Variants in WAC observed in about 807,000 individuals in gnomAD.
WAC encodes WW domain containing adaptor with coiled-coil.
WAC carries 11 observed loss-of-function variants against 79.6 expected under a neutral mutation model. That is an observed-to-expected ratio of 0.14 (90% CI 0.09 to 0.23). The LOEUF is 0.23. Among genes scored for constraint, WAC ranks in the 10% least tolerant of loss-of-function variants. The probability of loss-of-function intolerance (pLI) is 1.00; values close to 1 mark genes in which losing one functional copy is unlikely to be tolerated. For synonymous variants in WAC, 304 were observed against 276.9 expected (o/e 1.10, Z -0.97); for missense variants, 728 against 773.5 (o/e 0.94, Z 0.70).
chr10:28,535,973 T>G, intron 3 of WAC: 3 of 369,598 alleles, frequency 8.1e-6, no homozygotes, highest in Non-Finnish European at 9.5e-6. Flanking sequence ...CCAGGCGCGG[T>G]GGCTCACGCC....
intron 7 of WAC, among the ~76,000 whole-genome samples, chr10:28,596,411 T>TA (rs745936660): frequency 3.9e-4 from 59 of 152,296 alleles, no homozygotes; most frequent in Admixed American, 6.5e-4. Flanking sequence ...TTAATATAAA[T>TA]AGAGGTATTT....
At chr10:28,555,592 A>G (rs1837937270) in intron 3 of WAC, among the ~76,000 whole-genome samples, 1 of 152,138 alleles carries the variant, frequency 6.6e-6, no homozygotes, top group African/African-American at 2.4e-5. Context: ...GAAAATTACT[A>G]AGGAAACATA....
intron 4 of WAC, among the ~76,000 whole-genome samples, chr10:28,586,732 CTTGTAGATTA>C (rs1839838111): frequency 6.6e-6 from 1 of 151,922 alleles, no homozygotes; most frequent in Non-Finnish European, 1.5e-5. Context: ...CATGGTATGA[CTTGTAGATTA>C]TTTTAGATTA....
At chr10:28,596,326 C>G (rs989356589) in intron 7 of WAC, among the ~76,000 whole-genome samples, 3 of 152,156 alleles carry the variant, frequency 2.0e-5, no homozygotes, top group African/African-American at 7.2e-5. Context: ...AAGTAACTGT[C>G]TCTTCAATTT....
chr10:28,595,056 G>A (rs983549939), intron 6 of WAC, among the ~76,000 whole-genome samples: 3 of 152,096 alleles, frequency 2.0e-5, no homozygotes, highest in Admixed American at 6.5e-5. Flanking sequence ...ACTATGCTGC[G>A]GGTGTTGGAC....
Position 28,595,828 on chromosome 10 carries a change from A to G in WAC, c.706A>G (p.Arg236Gly). The G allele has an allele frequency of 1.9e-6, 3 of 1,614,188 alleles. No homozygotes were observed. The highest frequency in any genetic ancestry group is 2.5e-6 in the Non-Finnish European group (3 of 1,180,018). The change falls in exon 7 of 14, where the codon AGA (arginine) becomes GGA (glycine). Residue 236 changes from arginine (R) to glycine (G), a missense_variant. By Grantham distance (125) the Arg-to-Gly change is moderately radical (BLOSUM62 -2). Transcript: ENST00000354911. Reference sequence around the variant, plus strand: ...CAATGACAGAGACTACAGACTGCCAAGAGCAGAGACTCACAGTAGTTCTAC... The same window carrying G: ...CAATGACAGAGACTACAGACTGCCAGGAGCAGAGACTCACAGTAGTTCTAC... ...RHNDRDYRLP[R>G]AETHSSSTPV...
At chr10:28,614,538 G>T in intron 10 of WAC, 29 bp from the exon 11 acceptor site, 2 of 1,555,944 alleles carry the variant, frequency 1.3e-6, no homozygotes, top group Non-Finnish European at 8.9e-7. Context: ...TAGATTTGGA[G>T]ACCATCTCAC....
At chr10:28,536,200 A>G (rs1836662269) in intron 3 of WAC, among the ~76,000 whole-genome samples, 2 of 151,226 alleles carry the variant, frequency 1.3e-5, no homozygotes, top group Admixed American at 6.6e-5. Flanking sequence ...TCAGCCTGAG[A>G]TGGTGCCACT....
At chr10:28,604,742 A>G (rs540461420) in intron 7 of WAC, among the ~76,000 whole-genome samples, 6 of 152,226 alleles carry the variant, frequency 3.9e-5, no homozygotes, top group Middle Eastern at 3.4e-3. Flanking sequence ...ATACAACACA[A>G]TTCCTCTCCC....
chr10:28,546,326 C>T (rs1213634594), intron 3 of WAC, among the ~76,000 whole-genome samples: 2 of 152,180 alleles, frequency 1.3e-5, no homozygotes, highest in Non-Finnish European at 2.9e-5. Context: ...ATAATTTGTT[C>T]TAACTTCATA....
upstream of WAC, chr10:28,533,029 G>C (rs905376662): frequency 6.5e-6 from 1 of 154,328 alleles, no homozygotes; most frequent in African/African-American, 2.4e-5. Flanking sequence ...GCGGTGTTCC[G>C]GACCCGCGCG....
At chr10:28,533,671 G>T (rs765957281) in intron 1 of WAC, 51 bp downstream of exon 1, 6 of 1,514,912 alleles carry the variant, frequency 4.0e-6, no homozygotes, top group East Asian at 2.5e-5. Flanking sequence ...GCGGCGGCGG[G>T]GGGGCTGTTC....
chr10:28,605,030 T>TA (rs781519590), intron 7 of WAC, among the ~76,000 whole-genome samples: 61 of 152,212 alleles, frequency 4.0e-4, no homozygotes, highest in Non-Finnish European at 7.8e-4. Flanking sequence ...GTAAATAACT[T>TA]ACAACATGCT....
intron 10 of WAC, among the ~76,000 whole-genome samples, chr10:28,613,691 G>C (rs1188671643): frequency 1.3e-5 from 2 of 152,228 alleles, no homozygotes; most frequent in Non-Finnish European, 1.5e-5. Flanking sequence ...AGATTTGTTA[G>C]GGAGAATTAT....
rs1040763514 is a variant in WAC, at chr10:28,617,082, C to CA, written c.1747-568dup. Among the ~76,000 whole-genome samples, 49 of 150,670 alleles carry CA rather than the reference C, an allele frequency of 3.3e-4. No individual in the cohort carries two copies. The East Asian group carries it at 5.7e-3, about 17-fold the overall frequency. On this transcript the variant is annotated intron_variant, in intron 12 of 13. Coordinates refer to ENST00000354911, the MANE Select transcript of WAC (RefSeq NM_016628.5). ...TGGGTGACACAGTGAGACTCTGTCT[C>CA]AAAAAAACAAAAAAAAACCCCACTT...
At position 28,619,629 on chromosome 10, in the gene WAC, T is replaced by C; in HGVS notation, c.*23T>C. 6.4e-7 allele frequency: 1 copy of C among 1,559,586 alleles called. No homozygotes were observed. Among genetic ancestry groups the C allele is most frequent in the African/African-American group, 1.4e-5 (1 of 71,280 alleles). Reference sequence around the variant, plus strand: ...TGAAGATGTGAATAATTGCACATGGTTTTGAGAACAGGAACTGTAAATCTG... The same window carrying C: ...TGAAGATGTGAATAATTGCACATGGCTTTGAGAACAGGAACTGTAAATCTG... On this transcript the variant is annotated 3_prime_UTR_variant, in exon 14 of 14. Coordinates refer to ENST00000354911, the MANE Select transcript of WAC (RefSeq NM_016628.5).
intron 10 of WAC, 72 bp from the exon 11 acceptor site, chr10:28,614,495 G>A (rs1180756901): frequency 3.7e-5 from 34 of 929,636 alleles, no homozygotes; most frequent in East Asian, 1.9e-4. Flanking sequence ...GTTTCAAGAC[G>A]ATTACCTAGA....
At chr10:28,603,951 ATGTATGT>A (rs1261893075) in intron 7 of WAC, among the ~76,000 whole-genome samples, 8 of 58,458 alleles carry the variant, frequency 1.4e-4, no homozygotes, top group African/African-American at 3.0e-4. Context: ...AAATATATAT[ATGTATGT>A]ATGTATATAT....
intron 3 of WAC, among the ~76,000 whole-genome samples, chr10:28,549,716 A>AG (rs1837556336): frequency 6.6e-6 from 1 of 152,162 alleles, no homozygotes; most frequent in Admixed American, 6.6e-5. Context: ...TCCAAAAATG[A>AG]GTTTTTCTCT....
Sources: allele counts gnomAD v4.1 joint callset (sites outside exome capture counted in the v4.1 genomes callset), GRCh38; gene constraint gnomAD v4.1.1; transcripts MANE v1.5; gene names NCBI Gene and HGNC (gene_info 2026-07-23, HGNC 2026-07-21).